The following APPL1 variants were observed in gnomAD, a reference collection of about 807,000 sequenced individuals.
APPL1 encodes adaptor protein, phosphotyrosine interacting with PH domain and leucine zipper 1.
APPL1 carries 42 observed loss-of-function variants against 106.8 expected under a neutral mutation model. That is an observed-to-expected ratio of 0.39 (90% CI 0.31 to 0.51). The LOEUF (loss-of-function observed/expected upper bound fraction) is 0.51, where lower values mean the gene tolerates loss of function less well. APPL1 is among the 20% of genes least tolerant of loss of function. The pLI is 0.75. For missense variants in APPL1, 769 were observed against 858.2 expected (o/e 0.90, Z 1.30); for synonymous variants, 263 against 281.8 (o/e 0.93, Z 0.67).
intron 7 of APPL1, among the ~76,000 whole-genome samples, chr3:57,245,082 AACAC>A (rs1274291947): frequency 6.6e-6 from 1 of 152,132 alleles, no homozygotes; most frequent in Non-Finnish European, 1.5e-5. Flanking sequence ...TTAGCACATA[AACAC>A]ACATAAAGAA....
intron 17 of APPL1, 23 bp downstream of exon 17, chr3:57,260,042 A>C: frequency 6.2e-7 from 1 of 1,608,112 alleles, no homozygotes; most frequent in Non-Finnish European, 8.5e-7. Context: ...CTCCCTTAAA[A>C]AACTGTAGAA....
intron 4 of APPL1, 24 bp from the exon 5 acceptor site, chr3:57,240,441 C>T (rs2060739563): frequency 3.8e-6 from 6 of 1,592,272 alleles, no homozygotes; most frequent in African/African-American, 1.3e-5. Flanking sequence ...AGTTATTTGG[C>T]CTTTTTGGTC....
intron 13 of APPL1, among the ~76,000 whole-genome samples, chr3:57,255,246 T>C (rs1425930875): frequency 2.0e-5 from 3 of 152,166 alleles, no homozygotes; most frequent in Non-Finnish European, 4.4e-5. Context: ...CCACTCTTAG[T>C]GGGCCTGTCT....
rs1206574201 is a variant in APPL1 at position 57,228,648 on chromosome 3, G to T, written c.54+711G>T. 6.6e-6 allele frequency among the ~76,000 whole-genome samples: 1 copy of T among 152,278 alleles called. No homozygotes were observed. The highest frequency in any genetic ancestry group is 1.5e-5 in the Non-Finnish European group (1 of 68,050). On this transcript the variant is annotated intron_variant, in intron 1 of 21. Transcript: ENST00000288266. This position sits in a 1 kb window ranked among gnomAD's most constrained non-coding sequence, Gnocchi z 4.6. ...TTCTGTGCGTCGGAATGATGCTGAT[G>T]TGGTTGCTCTAGCTTAAGACAGTTT...
chr3:57,237,515 C>T lies in APPL1; in HGVS notation c.177C>T (p.His59=). Residue 59 remains histidine (H), a synonymous_variant, in exon 3 of 22, where the codon CAC becomes CAT. Transcript: ENST00000288266. ...AGAATGAATTAAGTGCAGCAACACACCTGACCTCAAAACTTTTAAAAGAAT... is the reference window on the plus strand; with the variant it reads ...AGAATGAATTAAGTGCAGCAACACATCTGACCTCAAAACTTTTAAAAGAAT... ...DAQNELSAAT[H]LTSKLLKEYE... 1 of 1,603,376 alleles carries T rather than the reference C, an allele frequency of 6.2e-7. No individual in the cohort carries two copies. The highest frequency in any genetic ancestry group is 8.5e-7 in the Non-Finnish European group (1 of 1,175,212).
chr3:57,258,928 T>G, intron 15 of APPL1, 100 bp from the exon 16 acceptor site: 1 of 869,616 alleles, frequency 1.1e-6, no homozygotes. Context: ...TTTTAGAGCT[T>G]TTTTTTTTTA....
intron 20 of APPL1, 107 bp from the exon 21 acceptor site, chr3:57,268,291 T>C (rs2060908433): frequency 8.4e-7 from 1 of 1,188,216 alleles, no homozygotes; most frequent in Non-Finnish European, 1.2e-6. Context: ...TTCTTATGTA[T>C]AAATGCAAAA....
In APPL1 at chr3:57,240,559, A is replaced by G; in HGVS notation, c.373+7A>G. ...AAAGAAAGAGATCTGAAAGGTATTGAAGTCAAGCTTATGTTTACTTTCATT... is the reference window on the plus strand; with the variant it reads ...AAAGAAAGAGATCTGAAAGGTATTGGAGTCAAGCTTATGTTTACTTTCATT... On this transcript the variant is annotated splice_region_variant and intron_variant, in intron 5 of 21. Transcript: ENST00000288266. 1 of 1,608,806 alleles carries G rather than the reference A, an allele frequency of 6.2e-7. No individual in the cohort carries two copies. The highest frequency in any genetic ancestry group is 1.7e-4 in the Middle Eastern group (1 of 6,052).
At chr3:57,231,004 T>G (rs576638247) in intron 1 of APPL1, among the ~76,000 whole-genome samples, 2 of 152,024 alleles carry the variant, frequency 1.3e-5, no homozygotes, top group East Asian at 3.9e-4. Flanking sequence ...TTCAAGTGAT[T>G]CTGCTTCCTC....
chr3:57,244,753 A>G (rs34929792), intron 7 of APPL1, among the ~76,000 whole-genome samples: 2,337 of 152,322 alleles, frequency 0.015, 23 homozygotes, highest in Non-Finnish European at 0.023. Flanking sequence ...ACATCATGCA[A>G]TTGTGTTATA....
intron 1 of APPL1, among the ~76,000 whole-genome samples, chr3:57,234,062 A>G (rs2060703131): frequency 6.6e-6 from 1 of 152,106 alleles, no homozygotes; most frequent in South Asian, 2.1e-4. Flanking sequence ...AGCCTGGGAG[A>G]AGAATGAGAC....
chr3:57,249,628 A>G, intron 11 of APPL1, 80 bp downstream of exon 11: 1 of 1,279,634 alleles, frequency 7.8e-7, no homozygotes, highest in Admixed American at 2.9e-5. Flanking sequence ...TTTGTTTAGA[A>G]ATTTTATGGA....
chr3:57,265,185 A>G (rs796889428), intron 19 of APPL1, among the ~76,000 whole-genome samples: 39 of 151,862 alleles, frequency 2.6e-4, no homozygotes, highest in African/African-American at 6.3e-4. Context: ...GTCTCATTCT[A>G]TTGCCCAGGC....
intron 21 of APPL1, chr3:57,268,901 C>T (rs2060914665): frequency 6.6e-6 from 1 of 152,378 alleles, no homozygotes; most frequent in Non-Finnish European, 1.5e-5. Flanking sequence ...CATTGTCCAT[C>T]CAACAGAATA....
chr3:57,246,561 A>G (rs1293739691), intron 8 of APPL1, among the ~76,000 whole-genome samples: 1 of 152,170 alleles, frequency 6.6e-6, no homozygotes, highest in Non-Finnish European at 1.5e-5. Flanking sequence ...AAGAATAAAC[A>G]AGTTTGAGTT....
chr3:57,241,601 T>C (rs976038822), intron 5 of APPL1, among the ~76,000 whole-genome samples: 1 of 152,236 alleles, frequency 6.6e-6, no homozygotes, highest in Non-Finnish European at 1.5e-5. Context: ...ACCTTTACTT[T>C]ACTCAGTCAC....
chr3:57,236,450 T>G (rs1005460640), intron 2 of APPL1, among the ~76,000 whole-genome samples: 7 of 151,546 alleles, frequency 4.6e-5, no homozygotes, highest in African/African-American at 1.7e-4. Context: ...TGACTCAGCC[T>G]CCTGAGTAGC....
rs114098332 is a variant in APPL1 at position 57,255,494 on chromosome 3, G to A, written c.1153-1463G>A. On this transcript the variant is annotated intron_variant, in intron 13 of 21. Coordinates refer to ENST00000288266, the MANE Select transcript of APPL1 (RefSeq NM_012096.3). ...GGGAAGAGAAGAAGAATTTGGGAAA[G>A]AAGAGTTCTGTTTTTATCTTAACGG... 6.2e-3 allele frequency among the ~76,000 whole-genome samples: 939 copies of A among 152,294 alleles called. 8 individuals are homozygous for A. The highest frequency in any genetic ancestry group is 0.022 in the African/African-American group (912 of 41,562).
Position 57,259,999 on chromosome 3 carries a change from A to T in APPL1, c.1638A>T (p.Leu546Phe). The T allele has an allele frequency of 6.2e-7, 1 of 1,613,802 alleles. No homozygotes were observed. Among genetic ancestry groups the T allele is most frequent in the Non-Finnish European group, 8.5e-7 (1 of 1,179,954 alleles). ...NIFRMTESHL[L>F]VTCDCLKLID... ...TTCGTATGACAGAATCGCATTTATT[A>T]GTCACTTGTGACTGTTTAAAGTAAG... The change falls in exon 17 of 22, where the codon TTA (leucine) becomes TTT (phenylalanine). Residue 546 changes from leucine to phenylalanine, a missense_variant. By Grantham distance (22) the Leu-to-Phe change is conservative. Coordinates refer to ENST00000288266, the MANE Select transcript of APPL1 (RefSeq NM_012096.3).
Sources: allele counts gnomAD v4.1 joint callset (sites outside exome capture counted in the v4.1 genomes callset), GRCh38; gene constraint gnomAD v4.1.1; non-coding constraint Gnocchi (gnomAD v3.1); transcripts MANE v1.5; gene names NCBI Gene and HGNC (gene_info 2026-07-23, HGNC 2026-07-21).